Variants in PRKN observed in about 807,000 individuals in gnomAD.
The protein encoded by PRKN is parkin RBR E3 ubiquitin protein ligase, also known as E3 ubiquitin-protein ligase parkin.
Under a neutral mutation model 59.5 loss-of-function variants are expected in PRKN, and 56 were observed. The observed-to-expected ratio is 0.94, with a 90% confidence interval of 0.76 to 1.18. The LOEUF (loss-of-function observed/expected upper bound fraction) is 1.18. Among genes scored for constraint, PRKN ranks in the 50% most tolerant of loss-of-function variants. The pLI, the probability that PRKN is intolerant of heterozygous loss-of-function variation, is 0.00. For synonymous variants in PRKN, 250 were observed against 222.1 expected, an observed-to-expected ratio of 1.13 and a Z score of -1.12; for missense variants, 657 against 596.4, an observed-to-expected ratio of 1.10 and a Z score of -1.06.
rs145555915 is a variant in PRKN at position 161,547,075 on chromosome 6, G to A, written c.1083+1779C>T. The stretch of plus-strand genomic sequence containing the variant: ...GCAAAGCCACTCACGGGTGATTCCT[G>A]ACTCTCAGAAACTGTGAGATGATAC... On this transcript the variant is annotated intron_variant, in intron 9 of 11. Transcript: ENST00000366898. The surrounding 1 kb of genome is among the most constrained non-coding windows in gnomAD (Gnocchi z 4.0). Among the ~76,000 whole-genome samples, 236 of 152,220 alleles carry A rather than the reference G, an allele frequency of 1.6e-3. No homozygotes were observed. The highest frequency in any genetic ancestry group is 5.5e-3 in the African/African-American group (229 of 41,542).
chr6:162,179,627 G>A (rs1783700395), intron 4 of PRKN, among the ~76,000 whole-genome samples: 1 of 152,168 alleles, frequency 6.6e-6, no homozygotes, highest in African/African-American at 2.4e-5. Context: ...GTATACATGT[G>A]TGTAGGTAAG....
intron 5 of PRKN, among the ~76,000 whole-genome samples, chr6:162,013,684 T>C (rs559939260): frequency 3.3e-5 from 5 of 152,322 alleles, no homozygotes; most frequent in African/African-American, 9.6e-5. Flanking sequence ...GTGACACTGA[T>C]AAATCTGACT....
chr6:162,031,470 A>G (rs1783635811), intron 5 of PRKN, among the ~76,000 whole-genome samples: 1 of 151,848 alleles, frequency 6.6e-6, no homozygotes, highest in Non-Finnish European at 1.5e-5. Context: ...TACAAATATT[A>G]TGATGCAAAA....
At chr6:162,525,438 C>G (rs955342144) in intron 1 of PRKN, among the ~76,000 whole-genome samples, 1 of 152,140 alleles carries the variant, frequency 6.6e-6, no homozygotes, top group Non-Finnish European at 1.5e-5. Flanking sequence ...CTGGCCACAT[C>G]GCTCACTCCC....
intron 1 of PRKN, among the ~76,000 whole-genome samples, chr6:162,637,196 G>C (rs1031419386): frequency 3.3e-5 from 5 of 151,912 alleles, no homozygotes. Context: ...GGCAGAGGTT[G>C]CAGTGGGCCG....
intron 6 of PRKN, among the ~76,000 whole-genome samples, chr6:161,877,043 T>C (rs1794755904): frequency 6.6e-6 from 1 of 152,196 alleles, no homozygotes; most frequent in Non-Finnish European, 1.5e-5. Flanking sequence ...ATAAAGGATA[T>C]ATTGACCATC....
chr6:161,520,139 G>A (rs925583532), intron 9 of PRKN, among the ~76,000 whole-genome samples: 1 of 151,676 alleles, frequency 6.6e-6, no homozygotes, highest in African/African-American at 2.4e-5. Context: ...AGTCTTCGAT[G>A]ACAAATGATG....
intron 1 of PRKN, among the ~76,000 whole-genome samples, chr6:162,473,761 C>T (rs1489090759): frequency 1.3e-5 from 2 of 151,988 alleles, no homozygotes; most frequent in African/African-American, 4.8e-5. Context: ...TATTGGCAGA[C>T]AATTCTAGAA....
rs199788298 is a variant in PRKN, at chr6:161,468,119, C to T, written c.1083+80735G>A. On this transcript the variant is annotated intron_variant, in intron 9 of 11. Coordinates refer to ENST00000366898, the MANE Select transcript of PRKN (RefSeq NM_004562.3). The surrounding 1 kb of genome is among the most constrained non-coding windows in gnomAD (Gnocchi z 5.9). ...TCCTGAGTAGCTGGGATTATAGGCA[C>T]GCACCACCACACCTAGCTAATTTTT... Among the ~76,000 whole-genome samples the T allele has an allele frequency of 1.3e-3, 191 of 152,084 alleles. No homozygotes were observed. Among genetic ancestry groups the T allele is most frequent in the African/African-American group, 4.3e-3 (178 of 41,490 alleles).
chr6:161,454,626 C>T lies in PRKN; in HGVS notation c.1084-67749G>A, dbSNP rs1319035656. 3.3e-5 allele frequency among the ~76,000 whole-genome samples: 5 copies of T among 152,114 alleles called. No individual in the cohort carries two copies. The highest frequency in any genetic ancestry group is 5.9e-5 in the Non-Finnish European group (4 of 68,020). On this transcript the variant is annotated intron_variant, in intron 9 of 11. Transcript: ENST00000366898. The surrounding 1 kb of genome is among the most constrained non-coding windows in gnomAD (Gnocchi z 4.6). Reference sequence around the variant, plus strand: ...CCAAGTTTATTTTGGGGGAACTTTGCGCCAGCATTGTAGTTATACTGAAAT... The same window carrying T: ...CCAAGTTTATTTTGGGGGAACTTTGTGCCAGCATTGTAGTTATACTGAAAT...
At chr6:162,487,025 G>A (rs1236894549) in intron 1 of PRKN, among the ~76,000 whole-genome samples, 1 of 151,780 alleles carries the variant, frequency 6.6e-6, no homozygotes, top group Non-Finnish European at 1.5e-5. Context: ...AGCCAAGATC[G>A]CACCATTGCA....
intron 4 of PRKN, among the ~76,000 whole-genome samples, chr6:162,165,846 C>T (rs1342340775): frequency 6.6e-6 from 1 of 151,822 alleles, no homozygotes; most frequent in Non-Finnish European, 1.5e-5. Context: ...GTCAGGGGTT[C>T]AAGACCAGCC....
chr6:162,706,403 G>A (rs1778340420), intron 1 of PRKN, among the ~76,000 whole-genome samples: 1 of 152,216 alleles, frequency 6.6e-6, no homozygotes, highest in Non-Finnish European at 1.5e-5. Flanking sequence ...AATTCTGGAG[G>A]AAATTGTTAT....
intron 8 of PRKN, among the ~76,000 whole-genome samples, chr6:161,564,506 C>A (rs1289735426): frequency 6.6e-6 from 1 of 152,200 alleles, no homozygotes; most frequent in African/African-American, 2.4e-5. Context: ...TTCTTACATT[C>A]TTCCCTAACT....
chr6:162,200,656 C>T (rs1454403135), intron 4 of PRKN, among the ~76,000 whole-genome samples: 1 of 152,174 alleles, frequency 6.6e-6, no homozygotes, highest in Non-Finnish European at 1.5e-5. Flanking sequence ...GTTTGCTGAT[C>T]CATACTCTTT....
chr6:161,594,331 G>A (rs1781837936), intron 7 of PRKN, among the ~76,000 whole-genome samples: 1 of 152,144 alleles, frequency 6.6e-6, no homozygotes. Flanking sequence ...TCTGTCTTAT[G>A]AGAGAAACAA....
chr6:161,445,210 G>T lies in PRKN; in HGVS notation c.1084-58333C>A, dbSNP rs2115101890. Among the ~76,000 whole-genome samples the T allele has an allele frequency of 6.6e-6, 1 of 152,222 alleles. No individual in the cohort carries two copies. The highest frequency in any genetic ancestry group is 2.4e-5 in the African/African-American group (1 of 41,544). ...AGCAGTCAGACAGGAACGGGGAGAGGGGGCTCAACTTTCTGACGGCCACTT... is the reference window on the plus strand; with the variant it reads ...AGCAGTCAGACAGGAACGGGGAGAGTGGGCTCAACTTTCTGACGGCCACTT... On this transcript the variant is annotated intron_variant, in intron 9 of 11. Transcript: ENST00000366898. This position sits in a 1 kb window ranked among gnomAD's most constrained non-coding sequence, Gnocchi z 7.7.
At chr6:161,532,114 AATCT>A (rs1432487423) in intron 9 of PRKN, among the ~76,000 whole-genome samples, 3 of 149,988 alleles carry the variant, frequency 2.0e-5, no homozygotes, top group African/African-American at 4.9e-5. Context: ...AAAATCAATC[AATCT>A]ATCCATCCTA....
chr6:161,496,713 T>C (rs139899968), intron 9 of PRKN, among the ~76,000 whole-genome samples: 52 of 152,282 alleles, frequency 3.4e-4, no homozygotes, highest in African/African-American at 1.3e-3. Flanking sequence ...AGCCAAACCA[T>C]ATCATAAGGT....
Sources: allele counts gnomAD v4.1 joint callset (sites outside exome capture counted in the v4.1 genomes callset), GRCh38; gene constraint gnomAD v4.1.1; non-coding constraint Gnocchi (gnomAD v3.1); transcripts MANE v1.5; gene names NCBI Gene and HGNC (gene_info 2026-07-23, HGNC 2026-07-21).